Variants in ARFGAP2 observed in about 807,000 individuals in gnomAD.
The protein encoded by ARFGAP2 is ADP-ribosylation factor GTPase-activating protein 2.
In ARFGAP2, 45 loss-of-function variants were observed where a neutral mutation model predicts 71.9. The observed-to-expected ratio is 0.63, with a 90% CI of 0.49 to 0.80. The LOEUF (loss-of-function observed/expected upper bound fraction) is 0.80, where lower values mean the gene tolerates loss of function less well. Ranked by LOEUF, ARFGAP2 falls within the 30% of genes least tolerant of loss-of-function variation. The pLI is 0.00. For missense variants in ARFGAP2, 633 were observed against 673.9 expected (o/e 0.94, Z 0.67); for synonymous variants, 248 against 249.2 (o/e 1.00, Z 0.05).
At chr11:47,172,079 T>A in intron 8 of ARFGAP2, 1 of 716,488 alleles carries the variant, frequency 1.4e-6, no homozygotes, top group Non-Finnish European at 2.4e-6. Context: ...ATGTGCTCCA[T>A]CTCACCGACT....
intron 2 of ARFGAP2, chr11:47,176,261 C>G (rs879715022): frequency 5.6e-5 from 33 of 591,026 alleles, no homozygotes; most frequent in South Asian, 8.3e-5. Context: ...CTCCCTTTCC[C>G]CTCAACTAAC....
intron 7 of ARFGAP2, chr11:47,172,876 A>G: frequency 1.1e-6 from 1 of 890,220 alleles, no homozygotes; most frequent in Non-Finnish European, 1.6e-6. Context: ...CTCATGGATC[A>G]GTCTGACAGT....
intron 15 of ARFGAP2, 83 bp from the exon 16 acceptor site, chr11:47,165,585 C>T (rs1376384000): frequency 1.5e-5 from 21 of 1,409,310 alleles, no homozygotes; most frequent in East Asian, 7.5e-5. Flanking sequence ...ACTGCCTGCC[C>T]CAGCACCCCA....
At chr11:47,166,682 A>T in intron 13 of ARFGAP2, 78 bp downstream of exon 13, 1 of 1,598,830 alleles carries the variant, frequency 6.3e-7, no homozygotes, top group South Asian at 1.1e-5. Flanking sequence ...CCTGGTGCTA[A>T]AGCCCAAAGC....
chr11:47,175,311 C>T lies in ARFGAP2; in HGVS notation c.267G>A (p.Thr89=), dbSNP rs370346253. 12 of 1,614,034 alleles carry T rather than the reference C, an allele frequency of 7.4e-6. No individual in the cohort carries two copies. The highest frequency in any genetic ancestry group is 1.6e-4 in the Middle Eastern group (1 of 6,062). ...TGCATCCATGTTGGCGAAAAAAAGC[C>T]GTCTGGAGAGCAAAGAAGAGAGCAG... ...CMQVGGNANA[T]AFFRQHGCTA... Residue 89 remains threonine, a splice_region_variant and synonymous_variant, in exon 4 of 16, where the codon ACG becomes ACA. Coordinates refer to ENST00000524782, the MANE Select transcript of ARFGAP2 (RefSeq NM_032389.6).
Position 47,171,795 on chromosome 11 carries a change from A to G in ARFGAP2, c.678T>C (p.Gly226=). ...KKPAAAKKGL[G]AKKGLGAQKV... ...TCTGGGCCCCTAGGCCTTTCTTGGCACCCAGCTGGGAACAGAATCATGTAA... is the reference window on the plus strand; with the variant it reads ...TCTGGGCCCCTAGGCCTTTCTTGGCGCCCAGCTGGGAACAGAATCATGTAA... The change falls in exon 9 of 16, where the codon GGT becomes GGC. Residue 226 remains glycine, a synonymous_variant. Transcript: ENST00000524782. The G allele has an allele frequency of 6.2e-7, 1 of 1,613,460 alleles. No individual in the cohort carries two copies. Among genetic ancestry groups the G allele is most frequent in the Non-Finnish European group, 8.5e-7 (1 of 1,180,002 alleles).
intron 12 of ARFGAP2, among the ~76,000 whole-genome samples, chr11:47,167,480 G>A (rs1167151198): frequency 6.6e-6 from 1 of 152,108 alleles, no homozygotes; most frequent in Non-Finnish European, 1.5e-5. Context: ...ATGGAGTAGG[G>A]TTTTAAAAAA....
intron 10 of ARFGAP2, among the ~76,000 whole-genome samples, chr11:47,170,608 T>C (rs1019763302): frequency 1.3e-5 from 2 of 149,198 alleles, no homozygotes; most frequent in African/African-American, 5.0e-5. Context: ...GATCGTGCCA[T>C]TGCACTCCAG....
chr11:47,176,184 T>C (rs1260553437), intron 2 of ARFGAP2: 11 of 591,218 alleles, frequency 1.9e-5, no homozygotes, highest in Non-Finnish European at 2.4e-5. Flanking sequence ...TTTCCCCTAA[T>C]GGATGGTCAC....
chr11:47,168,069 AGAAG>A, intron 11 of ARFGAP2, 26 bp from the exon 12 acceptor site: 1 of 1,614,196 alleles, frequency 6.2e-7, no homozygotes, highest in Non-Finnish European at 8.5e-7. Context: ...AGTGGCTCAG[AGAAG>A]CCTGATGAGG....
chr11:47,171,137 T>C (rs548883306), intron 10 of ARFGAP2, among the ~76,000 whole-genome samples: 2 of 152,282 alleles, frequency 1.3e-5, no homozygotes, highest in Non-Finnish European at 2.9e-5. Flanking sequence ...AAAAATAAAC[T>C]GTCCCATGAC....
chr11:47,173,580 C>A, intron 6 of ARFGAP2, 98 bp from the exon 7 acceptor site: 1 of 1,432,464 alleles, frequency 7.0e-7, no homozygotes, highest in Middle Eastern at 2.6e-4. Context: ...CTTTCCTCAG[C>A]TTGCCACCAA....
At chr11:47,166,953 CCAAA>C (rs1191783278) in intron 12 of ARFGAP2, 67 bp from the exon 13 acceptor site, 4 of 1,557,846 alleles carry the variant, frequency 2.6e-6, no homozygotes, top group Non-Finnish European at 3.5e-6. Flanking sequence ...AGTACAGAGG[CCAAA>C]CAGAGCACCA....
chr11:47,168,803 G>A (rs966870165), intron 10 of ARFGAP2, among the ~76,000 whole-genome samples: 1 of 152,086 alleles, frequency 6.6e-6, no homozygotes, highest in Non-Finnish European at 1.5e-5. Flanking sequence ...GATTATAGGC[G>A]TGAGCCACTG....
At chr11:47,168,464 C>A in intron 10 of ARFGAP2, 1 of 542,096 alleles carries the variant, frequency 1.8e-6, no homozygotes, top group Non-Finnish European at 3.2e-6. Flanking sequence ...TACACATCAG[C>A]TTTGTTTATT....
chr11:47,165,468 T>C lies in ARFGAP2; in HGVS notation c.*14A>G. ...TTGCCGTCACCATCGTAAGCCTGAG[T>C]CACAGAGCTCGGATCAGTAGGAACC... On this transcript the variant is annotated 3_prime_UTR_variant, in exon 16 of 16. Coordinates refer to ENST00000524782, the MANE Select transcript of ARFGAP2 (RefSeq NM_032389.6). 2 of 1,563,278 alleles carry C rather than the reference T, an allele frequency of 1.3e-6. No individual in the cohort carries two copies. Among genetic ancestry groups the C allele is most frequent in the Non-Finnish European group, 1.7e-6 (2 of 1,154,098 alleles).
Position 47,175,259 on chromosome 11 carries a change from T to C in ARFGAP2, c.319A>G (p.Asn107Asp), listed in dbSNP as rs776632644. 10 of 1,614,092 alleles carry C rather than the reference T, an allele frequency of 6.2e-6. No individual in the cohort carries two copies. Among genetic ancestry groups the C allele is most frequent in the Non-Finnish European group, 7.6e-6 (9 of 1,180,014 alleles). The change falls in exon 4 of 16, where the codon AAT (asparagine) becomes GAT (aspartate). Residue 107 changes from asparagine (N) to aspartate (D), a missense_variant. Coordinates refer to ENST00000524782, the MANE Select transcript of ARFGAP2 (RefSeq NM_032389.6). ...CGGTACATCTGGGCAGCTCGGCTATTATATTTGGTGTTGGCATCATTGGCT... is the reference window on the plus strand; with the variant it reads ...CGGTACATCTGGGCAGCTCGGCTATCATATTTGGTGTTGGCATCATTGGCT... ...CTANDANTKY[N>D]SRAAQMYREK...
intron 7 of ARFGAP2, 191 bp downstream of exon 7, chr11:47,173,235 A>G (rs1301564796): frequency 1.3e-5 from 9 of 717,740 alleles, no homozygotes; most frequent in Non-Finnish European, 2.1e-5. Flanking sequence ...AGATTCATCA[A>G]TTCAAAGGGC....
At chr11:47,173,965 G>A (rs937051170) in intron 5 of ARFGAP2, 125 bp from the exon 6 acceptor site, 52 of 1,505,172 alleles carry the variant, frequency 3.5e-5, no homozygotes, top group Non-Finnish European at 4.5e-5. Flanking sequence ...GGGACTGGAG[G>A]GTAGCAAACA....
Sources: gnomAD v4.1 joint callset for allele counts (sites outside exome capture counted in the v4.1 genomes callset) on GRCh38, gnomAD v4.1.1 for gene constraint, MANE v1.5 for transcripts, NCBI Gene and HGNC (gene_info 2026-07-23, HGNC 2026-07-21) for gene names.